METAP1: variants seen among roughly 807,000 people sequenced by gnomAD.
The protein encoded by METAP1 is methionine aminopeptidase 1.
A neutral mutation model predicts 53.8 loss-of-function variants in METAP1; 28 were observed. The observed-to-expected ratio is 0.52, with a 90% CI of 0.39 to 0.71. The LOEUF (loss-of-function observed/expected upper bound fraction) is 0.71, where lower values mean the gene tolerates loss of function less well. Ranked by LOEUF, METAP1 falls within the 30% of genes least tolerant of loss-of-function variation. The pLI, the probability that METAP1 is intolerant of heterozygous loss-of-function variation, is 0.00. For missense variants in METAP1, 389 were observed against 479.8 expected (o/e 0.81, Z 1.77); for synonymous variants, 181 against 165.7 (o/e 1.09, Z -0.71).
intron 9 of METAP1, among the ~76,000 whole-genome samples, chr4:99,056,512 AAAT>A (rs1727128885): frequency 6.6e-6 from 1 of 152,176 alleles, no homozygotes; most frequent in Admixed American, 6.5e-5. Flanking sequence ...TTGAATTAAA[AAAT>A]AATGGTCTCC....
At chr4:98,997,723 G>T (rs1722704551) in intron 1 of METAP1, among the ~76,000 whole-genome samples, 1 of 152,192 alleles carries the variant, frequency 6.6e-6, no homozygotes, top group Non-Finnish European at 1.5e-5. Flanking sequence ...AACATCTAGG[G>T]TTTATTCCGT....
Position 99,041,130 on chromosome 4 carries a change from A to G in METAP1, c.516+4A>G. On this transcript the variant is annotated splice_donor_region_variant and intron_variant, in intron 6 of 10. Transcript: ENST00000296411. ...AATAGATCACGCTGTACACTTAGTA[A>G]GAACTTCACTTTTTTACTTTGAGTA... The G allele has an allele frequency of 6.4e-7, 1 of 1,566,722 alleles. No individual in the cohort carries two copies. The highest frequency in any genetic ancestry group is 8.7e-7 in the Non-Finnish European group (1 of 1,148,008).
intron 1 of METAP1, among the ~76,000 whole-genome samples, chr4:99,006,458 A>G (rs1723183428): frequency 6.6e-6 from 1 of 152,166 alleles, no homozygotes; most frequent in Non-Finnish European, 1.5e-5. Flanking sequence ...GTGTGCTTGT[A>G]TGTGTATTGG....
At chr4:99,023,181 C>A in intron 1 of METAP1, 1 of 545,510 alleles carries the variant, frequency 1.8e-6, no homozygotes, top group Non-Finnish European at 3.1e-6. Context: ...CTAATGACTG[C>A]ATAGATTCAT....
At chr4:99,004,915 A>G (rs185411256) in intron 1 of METAP1, among the ~76,000 whole-genome samples, 11 of 152,032 alleles carry the variant, frequency 7.2e-5, no homozygotes, top group Non-Finnish European at 1.6e-4. Flanking sequence ...TAACTTTTAC[A>G]TTCTTCTGTC....
intron 1 of METAP1, chr4:98,997,363 G>T (rs1722687152): frequency 6.5e-6 from 1 of 152,964 alleles, no homozygotes; most frequent in South Asian, 2.1e-4. Flanking sequence ...AGTGTTGCTT[G>T]ATCTAAAAAT....
intron 2 of METAP1, among the ~76,000 whole-genome samples, chr4:99,031,036 A>G (rs899804476): frequency 6.6e-6 from 1 of 151,190 alleles, no homozygotes; most frequent in Non-Finnish European, 1.5e-5. Flanking sequence ...TAATCATAGA[A>G]GCTTAATTTT....
chr4:98,998,210 G>A (rs1722730723), intron 1 of METAP1, among the ~76,000 whole-genome samples: 1 of 152,106 alleles, frequency 6.6e-6, no homozygotes, highest in Non-Finnish European at 1.5e-5. Flanking sequence ...TATTCTAAGC[G>A]CTTTATACAT....
chr4:99,009,714 G>T (rs1305414401), intron 1 of METAP1, among the ~76,000 whole-genome samples: 1 of 152,004 alleles, frequency 6.6e-6, no homozygotes, highest in Non-Finnish European at 1.5e-5. Flanking sequence ...TAAAAATTGG[G>T]TTAATTCATT....
chr4:99,026,070 G>C (rs1436519660), intron 1 of METAP1: 2 of 195,812 alleles, frequency 1.0e-5, no homozygotes, highest in Admixed American at 1.3e-4. Flanking sequence ...ATGCATAAAA[G>C]CAAACTGTAC....
intron 7 of METAP1, among the ~76,000 whole-genome samples, chr4:99,044,330 T>A (rs927273791): frequency 1.3e-5 from 2 of 152,202 alleles, no homozygotes; most frequent in Admixed American, 6.5e-5. Flanking sequence ...TGTTAGAGGC[T>A]GCAGATAATT....
intron 1 of METAP1, among the ~76,000 whole-genome samples, chr4:99,013,861 G>A (rs926204637): frequency 2.0e-5 from 3 of 152,126 alleles, no homozygotes; most frequent in African/African-American, 4.8e-5. Context: ...ACATTTAACC[G>A]GGGAATGATA....
In METAP1 at chr4:99,043,403, T is replaced by TA. The variant is rs1034474218; in HGVS notation, c.655+17dup. 1.9e-6 allele frequency: 3 copies of TA among 1,571,888 alleles called. No homozygotes were observed. The highest frequency in any genetic ancestry group is 8.6e-7 in the Non-Finnish European group (1 of 1,158,492). On this transcript the variant is annotated intron_variant, in intron 7 of 10. Coordinates refer to ENST00000296411, the MANE Select transcript of METAP1 (RefSeq NM_015143.3). ...ATTGTTAATGGTAAGAAAAATATGT[T>TA]ACTTTCATCACCATGGGCAAAGAAA...
In METAP1 at chr4:99,049,012, T is replaced by C; in HGVS notation, c.931+136T>C. On this transcript the variant is annotated intron_variant, in intron 9 of 10. Transcript: ENST00000296411. ...GTAATAGATAGATTCCCAAAATGTG[T>C]ATTTGCTGAAACACAGTGCAAGTTC... 2.7e-6 allele frequency: 3 copies of C among 1,119,764 alleles called. No homozygotes were observed. In the South Asian group the frequency reaches 4.6e-5, roughly 17 times the overall value. The allele number at this position is 1,119,764 out of a possible 1,614,324, so 69.4% of individuals were successfully genotyped here. A position where few individuals can be genotyped will look rare whatever the true frequency, so the allele number is the denominator to read the frequency against.
At chr4:98,996,528 G>T (rs563716927) in intron 1 of METAP1, among the ~76,000 whole-genome samples, 1 of 152,334 alleles carries the variant, frequency 6.6e-6, no homozygotes, top group South Asian at 2.1e-4. Context: ...TTTTCTTTCG[G>T]TATATAAAAT....
intron 9 of METAP1, among the ~76,000 whole-genome samples, chr4:99,055,236 C>A (rs776679157): frequency 6.6e-6 from 1 of 151,810 alleles, no homozygotes; most frequent in Non-Finnish European, 1.5e-5. Context: ...ACTAAAAATA[C>A]AAAAATTAGC....
At chr4:99,046,475 T>C (rs1470272934) in intron 8 of METAP1, among the ~76,000 whole-genome samples, 1 of 152,176 alleles carries the variant, frequency 6.6e-6, no homozygotes, top group Non-Finnish European at 1.5e-5. Context: ...TGTTAATAAA[T>C]GGGCAAACAG....
intron 1 of METAP1, among the ~76,000 whole-genome samples, chr4:99,003,519 A>G (rs985314875): frequency 6.6e-6 from 1 of 152,212 alleles, no homozygotes; most frequent in African/African-American, 2.4e-5. Context: ...CTATTAGAAT[A>G]CTGTTAACTT....
intron 1 of METAP1, among the ~76,000 whole-genome samples, chr4:98,998,062 C>T (rs1235619039): frequency 6.6e-6 from 1 of 152,238 alleles, no homozygotes. Flanking sequence ...GCCCCACATT[C>T]AGGGCCCCTC....
Sources: allele counts gnomAD v4.1 joint callset (sites outside exome capture counted in the v4.1 genomes callset), GRCh38; gene constraint gnomAD v4.1.1; transcripts MANE v1.5; gene names NCBI Gene and HGNC (gene_info 2026-07-23, HGNC 2026-07-21).